Variants in DMD observed in about 807,000 individuals in gnomAD.
DMD encodes mutant dystrophin.
Under a neutral mutation model 330.1 loss-of-function variants are expected in DMD, and 63 were observed. The ratio of observed to expected loss-of-function variants is 0.19; its 90% CI spans 0.16 to 0.24. The LOEUF (loss-of-function observed/expected upper bound fraction) is 0.24. Among genes scored for constraint, DMD ranks in the 10% least tolerant of loss-of-function variants. The pLI, the probability that DMD is intolerant of heterozygous loss-of-function variation, is 1.00. For synonymous variants in DMD, 1,223 were observed against 959.8 expected, an observed-to-expected ratio of 1.27 and a Z score of -5.07; for missense variants, 3,344 against 2,684.1, an observed-to-expected ratio of 1.25 and a Z score of -5.43.
At chrX:33,304,375 G>A (rs945548226) in intron 1 of DMD, among the ~76,000 whole-genome samples, 1 of 111,444 alleles carries the variant, frequency 9.0e-6, no homozygotes, top group Non-Finnish European at 1.9e-5. Context: ...GGAGAAAGCT[G>A]AAACTGGATC....
At chrX:32,818,781 T>C (rs762905283) in intron 5 of DMD, among the ~76,000 whole-genome samples, 1 of 109,556 alleles carries the variant, frequency 9.1e-6, no homozygotes, top group South Asian at 4.0e-4. Flanking sequence ...AGTTGCAGAG[T>C]CCTGCCAGCC....
intron 67 of DMD, among the ~76,000 whole-genome samples, chrX:31,192,486 T>C (rs2042469974): frequency 8.9e-6 from 1 of 112,176 alleles, no homozygotes; most frequent in African/African-American, 3.2e-5. Flanking sequence ...CCACACTCTA[T>C]GTACAAGACT....
intron 11 of DMD, among the ~76,000 whole-genome samples, chrX:32,618,313 A>G (rs938534899): frequency 8.9e-5 from 10 of 112,403 alleles, no homozygotes; most frequent in East Asian, 2.8e-4. Flanking sequence ...AACACATACC[A>G]TGGAATACTA....
At chrX:31,627,965 C>T (rs1008172145) in intron 54 of DMD, 103 bp from the exon 55 acceptor site, 18 of 761,595 alleles carry the variant, frequency 2.4e-5, no homozygotes, top group Middle Eastern at 3.3e-4. Context: ...TTGTAATATA[C>T]CAACAATGGG....
chrX:31,426,164 G>A (rs73212347), intron 60 of DMD, among the ~76,000 whole-genome samples: 25,263 of 110,302 alleles, frequency 0.23, 3,528 homozygotes, highest in African/African-American at 0.51. Context: ...TTAACGATAG[G>A]GTTTTCACTT....
At chrX:32,849,955 G>C in intron 2 of DMD, 135 bp from the exon 3 acceptor site, 2 of 521,234 alleles carry the variant, frequency 3.8e-6, no homozygotes, top group Non-Finnish European at 6.3e-6. Context: ...GAAGATGACG[G>C]ATGAAAAAAG....
intron 49 of DMD, among the ~76,000 whole-genome samples, chrX:31,831,770 G>C (rs974880192): frequency 9.1e-6 from 1 of 110,484 alleles, no homozygotes; most frequent in Non-Finnish European, 1.9e-5. Flanking sequence ...GGCTAATTTT[G>C]TTTTTGTATT....
At chrX:33,006,516 T>C (rs766134530) in intron 2 of DMD, among the ~76,000 whole-genome samples, 1 of 111,614 alleles carries the variant, frequency 9.0e-6, no homozygotes, top group East Asian at 2.8e-4. Context: ...CAAATAATGC[T>C]GAAACAACTG....
chrX:31,265,589 C>T (rs2050959435), intron 62 of DMD, among the ~76,000 whole-genome samples: 1 of 110,774 alleles, frequency 9.0e-6, no homozygotes, highest in African/African-American at 3.3e-5. Context: ...TTTTCAGGGT[C>T]GTGTCCAATC....
intron 1 of DMD, among the ~76,000 whole-genome samples, chrX:33,234,101 G>T (rs750710344): frequency 6.4e-4 from 71 of 111,515 alleles, no homozygotes; most frequent in African/African-American, 2.3e-3. Context: ...GCTCTATACC[G>T]GTCCTCAGAG....
At chrX:31,489,811 G>A (rs1381523869) in intron 57 of DMD, among the ~76,000 whole-genome samples, 1 of 112,283 alleles carries the variant, frequency 8.9e-6, no homozygotes, top group East Asian at 2.8e-4. Flanking sequence ...GTGTGTAAAA[G>A]TGCTTTGTCA....
At position 32,939,969 on chromosome X, in the gene DMD, A is replaced by G. The variant is rs1014337058; in HGVS notation, c.93+80170T>C. Reference sequence around the variant, plus strand: ...CCATACTACCCAAAGCAATCTACGAATTAAATGTTATTCCTATCAAACCAC... The same window carrying G: ...CCATACTACCCAAAGCAATCTACGAGTTAAATGTTATTCCTATCAAACCAC... On this transcript the variant is annotated intron_variant, in intron 2 of 78. Coordinates refer to ENST00000357033, the MANE Select transcript of DMD (RefSeq NM_004006.3). 3.6e-5 allele frequency among the ~76,000 whole-genome samples: 4 copies of G among 111,746 alleles called. No homozygotes were observed. In the East Asian group the frequency reaches 1.1e-3, roughly 31 times the overall value.
chrX:31,840,290 T>G (rs760937661), intron 48 of DMD, among the ~76,000 whole-genome samples: 1 of 111,682 alleles, frequency 9.0e-6, no homozygotes, highest in African/African-American at 3.2e-5. Context: ...GCATCATCTA[T>G]TCAATATATT....
At position 32,501,840 on chromosome X, in the gene DMD, G is replaced by A; in HGVS notation, c.2295C>T (p.Ala765=). Residue 765 remains alanine, a splice_region_variant and synonymous_variant, in exon 19 of 79, where the codon GCC becomes GCT. Coordinates refer to ENST00000357033, the MANE Select transcript of DMD (RefSeq NM_004006.3). ...NFSDLKEKVN[A]IEREKAEKFR... is the part of the protein sequence containing the mutation. ...ACTTCTCAGCTTTTTCTCGCTCTAT[G>A]GCCTGCAGCATGAGAGCAAAGATGA... The A allele has an allele frequency of 8.4e-7, 1 of 1,194,811 alleles. No homozygotes were observed.
chrX:33,235,310 G>T (rs2052456936), intron 1 of DMD, among the ~76,000 whole-genome samples: 1 of 111,664 alleles, frequency 9.0e-6, no homozygotes, highest in Non-Finnish European at 1.9e-5. Context: ...AGAAATGACT[G>T]CCTTCCTTCA....
chrX:32,139,479 A>G lies in DMD; in HGVS notation c.6438+77437T>C, dbSNP rs535673016. On this transcript the variant is annotated intron_variant, in intron 44 of 78. Transcript: ENST00000357033. Reference sequence around the variant, plus strand: ...CATTTGTCATTACTTTATAAAAATAATCCTTTAAGTTACTTTGTGGTGATG... The same window carrying G: ...CATTTGTCATTACTTTATAAAAATAGTCCTTTAAGTTACTTTGTGGTGATG... 4.8e-4 allele frequency among the ~76,000 whole-genome samples: 54 copies of G among 112,385 alleles called. No individual in the cohort carries two copies. The South Asian group carries it at 6.7e-3, about 14-fold the overall frequency.
At chrX:32,133,463 A>G (rs1352962062) in intron 44 of DMD, among the ~76,000 whole-genome samples, 1 of 111,791 alleles carries the variant, frequency 8.9e-6, no homozygotes, top group Non-Finnish European at 1.9e-5. Context: ...AACACCTCCG[A>G]AATTTAAACG....
At chrX:31,728,216 G>A (rs1265175467) in intron 52 of DMD, among the ~76,000 whole-genome samples, 1 of 110,914 alleles carries the variant, frequency 9.0e-6, no homozygotes, top group South Asian at 3.8e-4. Context: ...TAGTAGAGAC[G>A]GGGTTTCACC....
intron 49 of DMD, among the ~76,000 whole-genome samples, chrX:31,833,439 T>C (rs776329812): frequency 9.1e-6 from 1 of 109,520 alleles, no homozygotes; most frequent in African/African-American, 3.3e-5. Flanking sequence ...TATTTGATCA[T>C]ACGATCCTAA....
Sources: gnomAD v4.1 joint callset for allele counts (sites outside exome capture counted in the v4.1 genomes callset) on GRCh38, gnomAD v4.1.1 for gene constraint, MANE v1.5 for transcripts, NCBI Gene and HGNC (gene_info 2026-07-23, HGNC 2026-07-21) for gene names.